Variants in PRKG1 observed in about 807,000 individuals in gnomAD.
PRKG1 encodes the protein cGMP-dependent protein kinase 1.
Under a neutral mutation model 88.1 loss-of-function variants are expected in PRKG1, and 35 were observed. That is an observed-to-expected ratio of 0.40 (90% CI 0.30 to 0.53). The LOEUF (loss-of-function observed/expected upper bound fraction) is 0.53. Ranked by LOEUF, PRKG1 falls within the 20% of genes least tolerant of loss-of-function variation. The pLI is 0.59. For missense variants in PRKG1, 540 were observed against 839.8 expected (o/e 0.64, Z 4.41); for synonymous variants, 303 against 292.5 (o/e 1.04, Z -0.37).
intron 8 of PRKG1, among the ~76,000 whole-genome samples, chr10:52,157,098 A>G (rs916478430): frequency 1.3e-5 from 2 of 151,072 alleles, no homozygotes; most frequent in Admixed American, 6.6e-5. Flanking sequence ...CTCCCACCCT[A>G]TTTTTAATTT....
intron 9 of PRKG1, among the ~76,000 whole-genome samples, chr10:52,188,288 G>GTA (rs1377228968): frequency 1.5e-4 from 2 of 13,062 alleles, no homozygotes; most frequent in African/African-American, 8.4e-4. Context: ...ACATATATAT[G>GTA]TGTATATATA....
intron 9 of PRKG1, among the ~76,000 whole-genome samples, chr10:52,212,669 A>G (rs1840010252): frequency 6.6e-6 from 1 of 152,086 alleles, no homozygotes; most frequent in Non-Finnish European, 1.5e-5. Context: ...GTTACAAGGC[A>G]GAATTATCTT....
chr10:51,308,877 A>T (rs1394459890), intron 2 of PRKG1, among the ~76,000 whole-genome samples: 2 of 151,994 alleles, frequency 1.3e-5, no homozygotes, highest in Non-Finnish European at 2.9e-5. Context: ...TTTGGCAAGG[A>T]GCTGAGACCT....
chr10:51,720,668 G>A (rs946233910), intron 3 of PRKG1, among the ~76,000 whole-genome samples: 2 of 152,166 alleles, frequency 1.3e-5, no homozygotes, highest in African/African-American at 4.8e-5. Flanking sequence ...CAGGACACAT[G>A]GTCTTACTAG....
intron 5 of PRKG1, among the ~76,000 whole-genome samples, chr10:51,937,423 G>C (rs937969289): frequency 1.3e-5 from 2 of 151,992 alleles, no homozygotes; most frequent in Non-Finnish European, 2.9e-5. Context: ...AAGCTATTAT[G>C]TGCTCTCAGA....
chr10:51,327,946 A>T (rs1841634549), intron 2 of PRKG1, among the ~76,000 whole-genome samples: 1 of 152,202 alleles, frequency 6.6e-6, no homozygotes, highest in Admixed American at 6.5e-5. Context: ...TAATTACCAT[A>T]TGCATTACCA....
At chr10:51,097,645 C>T (rs1844565864) in intron 1 of PRKG1, among the ~76,000 whole-genome samples, 1 of 152,078 alleles carries the variant, frequency 6.6e-6, no homozygotes, top group African/African-American at 2.4e-5. Flanking sequence ...TTCTCTTTGT[C>T]CAAAGTTCCA....
intron 2 of PRKG1, among the ~76,000 whole-genome samples, chr10:51,202,275 C>T: frequency 6.6e-6 from 1 of 152,148 alleles, no homozygotes; most frequent in East Asian, 1.9e-4. Flanking sequence ...GTGTAACAGC[C>T]CAGCTTTCTC....
chr10:52,086,842 G>T (rs570616542), intron 7 of PRKG1, among the ~76,000 whole-genome samples: 2 of 152,220 alleles, frequency 1.3e-5, no homozygotes, highest in South Asian at 2.1e-4. Flanking sequence ...TCGCAGTTCC[G>T]CAGGGCTGGG....
At chr10:51,940,472 G>A (rs990864339) in intron 5 of PRKG1, among the ~76,000 whole-genome samples, 2 of 151,852 alleles carry the variant, frequency 1.3e-5, no homozygotes, top group Non-Finnish European at 2.9e-5. Flanking sequence ...CTGGGTCAAG[G>A]CCTCTGTTTA....
intron 2 of PRKG1, among the ~76,000 whole-genome samples, chr10:51,267,623 A>G (rs1839869735): frequency 6.6e-6 from 1 of 152,174 alleles, no homozygotes; most frequent in Non-Finnish European, 1.5e-5. Context: ...GAAGAATGAA[A>G]CTGGTCCTCA....
intron 2 of PRKG1, among the ~76,000 whole-genome samples, chr10:51,369,170 G>T (rs915628599): frequency 6.6e-6 from 1 of 152,054 alleles, no homozygotes; most frequent in Non-Finnish European, 1.5e-5. Flanking sequence ...CATTAGAAGC[G>T]ACTGTTTCTG....
intron 3 of PRKG1, among the ~76,000 whole-genome samples, chr10:51,501,013 G>C (rs1225716481): frequency 6.6e-6 from 1 of 152,044 alleles, no homozygotes; most frequent in Admixed American, 6.6e-5. Context: ...ACATTATTTT[G>C]GTTCAAAAGT....
intron 4 of PRKG1, among the ~76,000 whole-genome samples, chr10:51,897,987 C>T (rs528975686): frequency 6.6e-6 from 1 of 152,196 alleles, no homozygotes; most frequent in African/African-American, 2.4e-5. Context: ...CCCTTTGTGA[C>T]CTGACCCCAC....
chr10:51,128,416 T>A lies in PRKG1; in HGVS notation c.312-24748T>A, dbSNP rs142085957. 2.1e-3 allele frequency among the ~76,000 whole-genome samples: 314 copies of A among 152,330 alleles called. 2 individuals are homozygous for A. Among genetic ancestry groups the A allele is most frequent in the African/African-American group, 7.3e-3 (304 of 41,582 alleles). ...GTATTTTTGTGTGGGACATTAAAAT[T>A]AAGTGAATTTCCATTTGCCCTCTTT... On this transcript the variant is annotated intron_variant, in intron 1 of 17. Transcript: ENST00000373980.
At position 52,077,953 on chromosome 10, in the gene PRKG1, T is replaced by A. The variant is rs113163080; in HGVS notation, c.935+15322T>A. On this transcript the variant is annotated intron_variant, in intron 7 of 17. Transcript: ENST00000373980. ...AAAGGGTCTTGTCTTTGAGAGTCAA[T>A]TTCTGTGCTTAGAGGTGCCCTCAGC... is the stretch of plus-strand genomic sequence containing the variant. 2.0e-3 allele frequency among the ~76,000 whole-genome samples: 310 copies of A among 152,270 alleles called. 1 individual carries two copies. Among genetic ancestry groups the A allele is most frequent in the African/African-American group, 7.2e-3 (301 of 41,560 alleles).
intron 2 of PRKG1, among the ~76,000 whole-genome samples, chr10:51,244,308 CTTT>C (rs76339310): frequency 3.7e-5 from 5 of 136,666 alleles, no homozygotes; most frequent in Admixed American, 7.4e-5. Context: ...CCCTTTCTTC[CTTT>C]TTTTTTTTTT....
At chr10:52,035,669 G>A (rs545483797) in intron 5 of PRKG1, among the ~76,000 whole-genome samples, 1 of 152,124 alleles carries the variant, frequency 6.6e-6, no homozygotes, top group Non-Finnish European at 1.5e-5. Flanking sequence ...CAGGAACAAC[G>A]GTAATTGTGG....
intron 3 of PRKG1, among the ~76,000 whole-genome samples, chr10:51,736,404 C>T (rs1484876675): frequency 6.6e-6 from 1 of 152,178 alleles, no homozygotes; most frequent in Non-Finnish European, 1.5e-5. Flanking sequence ...GCGTGAGCCA[C>T]TGTGCCCAGT....
Sources: gnomAD v4.1 joint callset for allele counts (sites outside exome capture counted in the v4.1 genomes callset) on GRCh38, gnomAD v4.1.1 for gene constraint, MANE v1.5 for transcripts, NCBI Gene and HGNC (gene_info 2026-07-23, HGNC 2026-07-21) for gene names.